The following PLA2G4E variants were observed in gnomAD, a reference collection of about 807,000 sequenced individuals.
PLA2G4E encodes the protein cytosolic phospholipase A2 epsilon.
In PLA2G4E, 84 loss-of-function variants were observed where a neutral mutation model predicts 109.1. That is an observed-to-expected ratio of 0.77 (90% confidence interval 0.65 to 0.92). The LOEUF is 0.92. PLA2G4E is among the 40% of genes least tolerant of loss of function. The pLI, the probability that PLA2G4E is intolerant of heterozygous loss-of-function variation, is 0.00. For missense variants in PLA2G4E, 1,057 were observed against 1,076.6 expected, an observed-to-expected ratio of 0.98 and a Z score of 0.25; for synonymous variants, 469 against 436.1, an observed-to-expected ratio of 1.08 and a Z score of -0.94.
intron 1 of PLA2G4E, among the ~76,000 whole-genome samples, chr15:42,043,325 G>C (rs551233037): frequency 5.8e-4 from 88 of 152,238 alleles, no homozygotes; most frequent in African/African-American, 2.1e-3. Context: ...GGAGGGAACA[G>C]GGAAGGGCCA....
At chr15:41,988,133 G>A (rs1446783465) in exon 16 of PLA2G4E, 3 of 1,601,750 alleles carry the variant, frequency 1.9e-6, no homozygotes, top group Admixed American at 3.4e-5. Context: ...AGCAGGTTCA[G>A]GGAGAAGATG....
exon 17 of PLA2G4E, chr15:41,987,251 C>T (rs770699400): frequency 1.2e-6 from 2 of 1,613,964 alleles, no homozygotes; most frequent in Middle Eastern, 1.6e-4. Context: ...GAAACTCAGA[C>T]ACGAAGGACC....
At chr15:41,983,550 A>G in exon 20 of PLA2G4E, 1 of 592,606 alleles carries the variant, frequency 1.7e-6, no homozygotes, top group Non-Finnish European at 3.0e-6. Context: ...AGTGGGTATA[A>G]AACCCCAACA....
At chr15:42,010,252 T>G (rs1365408330) in intron 2 of PLA2G4E, 1 of 441,574 alleles carries the variant, frequency 2.3e-6, no homozygotes, top group Non-Finnish European at 4.6e-6. Flanking sequence ...GCGCATGATT[T>G]GATGGACCCT....
intron 11 of PLA2G4E, among the ~76,000 whole-genome samples, chr15:41,996,271 C>T (rs1188686215): frequency 1.4e-5 from 2 of 145,300 alleles, no homozygotes; most frequent in African/African-American, 5.2e-5. Flanking sequence ...TTGCTTGAGC[C>T]TGGGAGGTGG....
intron 18 of PLA2G4E, among the ~76,000 whole-genome samples, chr15:41,984,845 C>T (rs996857970): frequency 6.6e-6 from 1 of 152,188 alleles, no homozygotes; most frequent in African/African-American, 2.4e-5. Context: ...GTAAAATGGA[C>T]AAAAGCCCTT....
At chr15:41,989,989 T>C (rs947595896) in intron 14 of PLA2G4E, 132 bp downstream of exon 14, 3 of 746,454 alleles carry the variant, frequency 4.0e-6, no homozygotes, top group Non-Finnish European at 6.9e-6. Flanking sequence ...TTTCTCCAGC[T>C]GTGTGCACAG....
At chr15:42,000,716 G>A (rs1205356153) in intron 7 of PLA2G4E, among the ~76,000 whole-genome samples, 1 of 152,194 alleles carries the variant, frequency 6.6e-6, no homozygotes, top group Non-Finnish European at 1.5e-5. Flanking sequence ...TAGGGTAGGG[G>A]TATGGTATTC....
chr15:42,028,293 T>C (rs1197793274), intron 1 of PLA2G4E, among the ~76,000 whole-genome samples: 1 of 152,244 alleles, frequency 6.6e-6, no homozygotes, highest in African/African-American at 2.4e-5. Context: ...CACTAGCTAG[T>C]TTGGATTTAA....
intron 13 of PLA2G4E, among the ~76,000 whole-genome samples, chr15:41,991,967 C>G (rs2068256167): frequency 6.6e-6 from 1 of 152,210 alleles, no homozygotes; most frequent in African/African-American, 2.4e-5. Flanking sequence ...GATCCCTGTG[C>G]TGTGCCATGT....
rs757475849 is a variant in PLA2G4E at position 42,000,086 on chromosome 15, G to T, written c.852+18C>A. 3.2e-6 allele frequency: 5 copies of T among 1,577,886 alleles called. No individual in the cohort carries two copies. Among genetic ancestry groups the T allele is most frequent in the Non-Finnish European group, 4.3e-6 (5 of 1,161,706 alleles). On this transcript the variant is annotated intron_variant, in intron 8 of 19. Transcript: ENST00000399518. Reference sequence around the variant, plus strand: ...GTCCCAGTCCCCCACACCTCCCCCAGTGTCAGCCGCCTTGTACCCCACAGC... The same window carrying T: ...GTCCCAGTCCCCCACACCTCCCCCATTGTCAGCCGCCTTGTACCCCACAGC...
intron 1 of PLA2G4E, among the ~76,000 whole-genome samples, chr15:42,042,416 T>C (rs1336723388): frequency 3.9e-5 from 6 of 152,226 alleles, no homozygotes; most frequent in Non-Finnish European, 8.8e-5. Context: ...GTAATGTCTA[T>C]ACTGAATACA....
chr15:42,034,451 A>G (rs1408608443), intron 1 of PLA2G4E, among the ~76,000 whole-genome samples: 1 of 152,182 alleles, frequency 6.6e-6, no homozygotes, highest in African/African-American at 2.4e-5. Flanking sequence ...TAGTGGACAC[A>G]TGAACCTAGA....
In PLA2G4E at chr15:41,984,495, G is replaced by C. The variant is rs768996118; in HGVS notation, c.2327C>G (p.Ala776Gly). 2.5e-6 allele frequency: 4 copies of C among 1,613,950 alleles called. No individual in the cohort carries two copies. The South Asian group carries it at 4.4e-5, about 18-fold the overall frequency. Residue 776 changes from alanine (A) to glycine (G), a missense_variant, in exon 19 of 20, where the codon GCC becomes GGC. Transcript: ENST00000399518. Reference sequence around the variant, plus strand: ...GAGTGGGAAGAAAGTCACGATGGGGGCATCGGGTTCCTGGGGGTTCTCCAT... The same window carrying C: ...GAGTGGGAAGAAAGTCACGATGGGGCCATCGGGTTCCTGGGGGTTCTCCAT...
intron 1 of PLA2G4E, among the ~76,000 whole-genome samples, chr15:42,041,979 G>A (rs1228999604): frequency 5.9e-5 from 9 of 152,196 alleles, no homozygotes; most frequent in Non-Finnish European, 1.2e-4. Flanking sequence ...AATTCTCTGG[G>A]CTATTTGGAG....
At chr15:42,004,846 G>T in intron 5 of PLA2G4E, 92 bp downstream of exon 5, 2 of 1,408,610 alleles carry the variant, frequency 1.4e-6, no homozygotes, top group Admixed American at 1.9e-5. Context: ...GGGTGAGGCA[G>T]CAAAAAGGCC....
At chr15:41,982,012 A>G (rs916910745) in exon 20 of PLA2G4E, 2 of 152,148 alleles carry the variant, frequency 1.3e-5, no homozygotes, top group Non-Finnish European at 2.9e-5. Flanking sequence ...TGCAGCTTCT[A>G]ATTTAGTACA....
At position 41,986,939 on chromosome 15, in the gene PLA2G4E, G is replaced by T. The variant is rs894055393; in HGVS notation, c.2035+233C>A. On this transcript the variant is annotated intron_variant, in intron 17 of 19. Transcript: ENST00000399518. ...AGGACTGTTGTACAGATTCTGTATA[G>T]AATGACTGTACAGATGCAGTGAGTT... The T allele has an allele frequency of 1.4e-5, 8 of 571,772 alleles. No homozygotes were observed. In the African/African-American group the frequency reaches 1.5e-4, roughly 11 times the overall value. The allele number at this position is 571,772 out of a possible 1,614,324, so 35.4% of individuals were successfully genotyped here.
intron 2 of PLA2G4E, among the ~76,000 whole-genome samples, chr15:42,011,795 G>A (rs895289167): frequency 6.6e-6 from 1 of 152,210 alleles, no homozygotes; most frequent in African/African-American, 2.4e-5. Context: ...AAGCACTGCT[G>A]TGGATATGTG....
Sources: gnomAD v4.1 joint callset for allele counts (sites outside exome capture counted in the v4.1 genomes callset) on GRCh38, gnomAD v4.1.1 for gene constraint, MANE v1.5 for transcripts, NCBI Gene and HGNC (gene_info 2026-07-23, HGNC 2026-07-21) for gene names.